The following FGGY variants were observed in gnomAD, a reference collection of about 807,000 sequenced individuals.
FGGY encodes the protein FGGY carbohydrate kinase domain-containing protein.
FGGY carries 72 observed loss-of-function variants against 71.3 expected under a neutral mutation model. The ratio of observed to expected loss-of-function variants is 1.01; its 90% CI spans 0.84 to 1.23. The LOEUF (loss-of-function observed/expected upper bound fraction) is 1.23, where lower values mean the gene tolerates loss of function less well. Among genes scored for constraint, FGGY ranks in the 50% most tolerant of loss-of-function variants. The probability of loss-of-function intolerance (pLI) is 0.00; values close to 1 mark genes in which losing one functional copy is unlikely to be tolerated. For missense variants in FGGY, 668 were observed against 682.3 expected (o/e 0.98, Z 0.23); for synonymous variants, 251 against 250.3 (o/e 1.00, Z -0.02).
intron 11 of FGGY, among the ~76,000 whole-genome samples, chr1:59,655,049 G>A (rs534433250): frequency 4.0e-5 from 6 of 151,806 alleles, no homozygotes; most frequent in South Asian, 4.2e-4. Flanking sequence ...TGGTCCCAGC[G>A]CTGATGAGCA....
chr1:59,351,881 A>G (rs75425251), intron 4 of FGGY, among the ~76,000 whole-genome samples: 3,711 of 152,158 alleles, frequency 0.024, 171 homozygotes, highest in African/African-American at 0.085. Context: ...ATGTCAGAGG[A>G]AGTTGGGCAG....
At chr1:59,740,011 C>T (rs146334861) in intron 14 of FGGY, among the ~76,000 whole-genome samples, 5 of 152,270 alleles carry the variant, frequency 3.3e-5, no homozygotes, top group African/African-American at 9.6e-5. Context: ...CATCCTTCTA[C>T]AATGGACCAC....
At chr1:59,480,456 A>T (rs1348181250) in intron 6 of FGGY, among the ~76,000 whole-genome samples, 2 of 152,164 alleles carry the variant, frequency 1.3e-5, no homozygotes, top group African/African-American at 4.8e-5. Flanking sequence ...TCCAGTGTTA[A>T]CTCTGAAACC....
rs190418136 is a variant in FGGY, at chr1:59,587,626, A to G, written c.904-20177A>G. 2.0e-3 allele frequency among the ~76,000 whole-genome samples: 308 copies of G among 152,284 alleles called. 9 individuals are homozygous for G. The East Asian group carries it at 0.029, about 14-fold the overall frequency. ...TCCAGAGGAACGATCAGACAGCTGCATTCGCGGTTCACGATAATCCCCTGT... is the reference window on the plus strand; with the variant it reads ...TCCAGAGGAACGATCAGACAGCTGCGTTCGCGGTTCACGATAATCCCCTGT... On this transcript the variant is annotated intron_variant, in intron 8 of 15. Transcript: ENST00000303721.
At chr1:59,670,732 C>T (rs1253146417) in intron 13 of FGGY, among the ~76,000 whole-genome samples, 1 of 151,808 alleles carries the variant, frequency 6.6e-6, no homozygotes, top group Non-Finnish European at 1.5e-5. Flanking sequence ...AAAAAAGCAG[C>T]TTATTATTTT....
chr1:59,698,311 G>C (rs1180982112), intron 14 of FGGY, among the ~76,000 whole-genome samples: 5 of 152,030 alleles, frequency 3.3e-5, no homozygotes, highest in Non-Finnish European at 7.4e-5. Flanking sequence ...TATGATACTT[G>C]GTCCTTTACT....
chr1:59,745,258 C>T (rs1397282195), intron 14 of FGGY, among the ~76,000 whole-genome samples: 1 of 152,168 alleles, frequency 6.6e-6, no homozygotes, highest in Non-Finnish European at 1.5e-5. Flanking sequence ...AAATGGCTCT[C>T]GCTTAGAAGA....
chr1:59,507,415 A>G (rs2153621210), intron 6 of FGGY, among the ~76,000 whole-genome samples: 1 of 152,326 alleles, frequency 6.6e-6, no homozygotes, highest in East Asian at 1.9e-4. Flanking sequence ...GAAGTCATAT[A>G]CTGCATGTTT....
At chr1:59,513,352 C>T (rs543373470) in intron 7 of FGGY, among the ~76,000 whole-genome samples, 210 of 152,326 alleles carry the variant, frequency 1.4e-3, no homozygotes, top group African/African-American at 4.7e-3. Context: ...AGCTGTGTTT[C>T]CATTCTGTGT....
At chr1:59,724,401 G>A (rs947604187) in intron 14 of FGGY, among the ~76,000 whole-genome samples, 20 of 151,516 alleles carry the variant, frequency 1.3e-4, no homozygotes, top group South Asian at 4.2e-4. Flanking sequence ...GGAGAATGGC[G>A]TGAACATGGG....
chr1:59,731,473 G>A (rs921222736), intron 14 of FGGY, among the ~76,000 whole-genome samples: 5 of 152,142 alleles, frequency 3.3e-5, no homozygotes, highest in African/African-American at 1.2e-4. Context: ...GTCCTATCAG[G>A]TGGCCTTTTT....
At chr1:59,690,976 G>T (rs2097582759) in intron 14 of FGGY, among the ~76,000 whole-genome samples, 1 of 152,226 alleles carries the variant, frequency 6.6e-6, no homozygotes, top group African/African-American at 2.4e-5. Context: ...CTCAGTGGAT[G>T]ATCTGGAACA....
At chr1:59,380,112 A>G (rs1202485070) in intron 5 of FGGY, among the ~76,000 whole-genome samples, 2 of 151,748 alleles carry the variant, frequency 1.3e-5, no homozygotes, top group African/African-American at 4.9e-5. Context: ...GTGTCCCTCC[A>G]AAGGACATGA....
At chr1:59,590,483 C>CA (rs1353039852) in intron 8 of FGGY, among the ~76,000 whole-genome samples, 2 of 151,848 alleles carry the variant, frequency 1.3e-5, no homozygotes, top group Non-Finnish European at 2.9e-5. Context: ...GAGACACAAC[C>CA]AAAAAAGAGA....
At chr1:59,437,233 A>G (rs2068660676) in intron 5 of FGGY, among the ~76,000 whole-genome samples, 1 of 152,200 alleles carries the variant, frequency 6.6e-6, no homozygotes, top group South Asian at 2.1e-4. Flanking sequence ...CATGACCACC[A>G]GGTTGGGTGT....
chr1:59,660,129 A>G lies in FGGY; in HGVS notation c.1222-90A>G, dbSNP rs568489481. ...GCATATGAACTTGTTTCGGCAAGAA[A>G]ACACATCTGAACGTATTTCATGGGA... On this transcript the variant is annotated intron_variant, in intron 11 of 15. Transcript: ENST00000303721. The G allele has an allele frequency of 1.6e-5, 19 of 1,176,894 alleles. No homozygotes were observed. The African/African-American group carries it at 2.1e-4, about 13-fold the overall frequency. 72.9% of individuals were successfully genotyped at this position (1,176,894 alleles called of 1,614,324 possible).
intron 8 of FGGY, among the ~76,000 whole-genome samples, chr1:59,570,767 T>A (rs2095971289): frequency 6.6e-6 from 1 of 152,162 alleles, no homozygotes; most frequent in African/African-American, 2.4e-5. Context: ...CAGTGTTTAA[T>A]CCAGCTCTCT....
intron 8 of FGGY, among the ~76,000 whole-genome samples, chr1:59,583,336 G>C (rs2096228204): frequency 7.0e-6 from 1 of 143,098 alleles, no homozygotes; most frequent in African/African-American, 2.7e-5. Context: ...TACATTCCTT[G>C]TCAATATTAT....
intron 5 of FGGY, among the ~76,000 whole-genome samples, chr1:59,437,401 C>T (rs1383445624): frequency 5.3e-5 from 8 of 152,238 alleles, no homozygotes; most frequent in Admixed American, 3.9e-4. Flanking sequence ...GCGCTAAGCA[C>T]GCAGTCTGCA....
Sources: gnomAD v4.1 joint callset for allele counts (sites outside exome capture counted in the v4.1 genomes callset) on GRCh38, gnomAD v4.1.1 for gene constraint, MANE v1.5 for transcripts, NCBI Gene and HGNC (gene_info 2026-07-23, HGNC 2026-07-21) for gene names.